Variants in IFFO1 observed in about 807,000 individuals in gnomAD.
IFFO1 encodes non-homologous end joining factor IFFO1.
A neutral mutation model predicts 59.6 loss-of-function variants in IFFO1; 42 were observed. The observed-to-expected ratio is 0.70, with a 90% confidence interval of 0.55 to 0.91. The LOEUF (loss-of-function observed/expected upper bound fraction) is 0.91. Among genes scored for constraint, IFFO1 ranks in the 40% least tolerant of loss-of-function variants. The probability of loss-of-function intolerance (pLI) is 0.00; values close to 1 mark genes in which losing one functional copy is unlikely to be tolerated. For missense variants in IFFO1, 711 were observed against 793.2 expected (o/e 0.90, Z 1.24); for synonymous variants, 336 against 342.8 (o/e 0.98, Z 0.22).
At chr12:6,550,494 GC>G (rs1947183873) in intron 3 of IFFO1, 200 bp downstream of exon 3, 2 of 580,246 alleles carry the variant, frequency 3.4e-6, no homozygotes, top group Admixed American at 3.0e-5. Context: ...CAGAAGCTGC[GC>G]CACCTCTGTG....
rs1179091176 is a variant in IFFO1 at position 6,541,050 on chromosome 12, G to A, written c.1610+462C>T. On this transcript the variant is annotated intron_variant, in intron 9 of 9. Coordinates refer to ENST00000619571, the MANE Select transcript of IFFO1 (RefSeq NM_001193457.2). The surrounding 1 kb of genome is among the most constrained non-coding windows in gnomAD (Gnocchi z 4.8). ...AAAAAAAAAAAAAGAAATAGCTGAA[G>A]TCACAGTAGGAGAGAAGCTGCTGAG... Among the ~76,000 whole-genome samples, 1 of 149,026 alleles carries A rather than the reference G, an allele frequency of 6.7e-6. No homozygotes were observed. Among genetic ancestry groups the A allele is most frequent in the Non-Finnish European group, 1.5e-5 (1 of 67,386 alleles).
chr12:6,555,638 A>G lies in IFFO1; in HGVS notation c.392T>C (p.Val131Ala). ...RRDQAVQTGF[V>A]SPIRPLGLQL... ...CAGCCCCAGGGGCCGGATGGGGCTG[A>G]CGAAGCCGGTCTGCACTGCCTGGTC... Residue 131 changes from valine (V) to alanine (A), a missense_variant, in exon 1 of 10, where the codon GTC becomes GCC. Transcript: ENST00000619571. The surrounding 1 kb of genome is among the most constrained non-coding windows in gnomAD (Gnocchi z 8.6). The G allele has an allele frequency of 6.5e-7, 1 of 1,547,848 alleles. No individual in the cohort carries two copies. Among genetic ancestry groups the G allele is most frequent in the Non-Finnish European group, 8.7e-7 (1 of 1,152,548 alleles).
chr12:6,549,667 G>A lies in IFFO1; in HGVS notation c.1071+89C>T, dbSNP rs774017147. The A allele has an allele frequency of 5.0e-5, 76 of 1,531,920 alleles. No homozygotes were observed. The highest frequency in any genetic ancestry group is 6.7e-5 in the Non-Finnish European group (75 of 1,123,198). The allele number at this position is 1,531,920 out of a possible 1,614,324, so 94.9% of individuals were successfully genotyped here. A position where few individuals can be genotyped will look rare whatever the true frequency, so the allele number is the denominator to read the frequency against. On this transcript the variant is annotated intron_variant, in intron 4 of 9. Transcript: ENST00000619571. This position sits in a 1 kb window ranked among gnomAD's most constrained non-coding sequence, Gnocchi z 5.0. ...TTGCCAGGTAAGGCTCCCCAAGCAG[G>A]AGGCAGGGCCTGCGTTCCAGGCCAG...
At position 6,548,074 on chromosome 12, in the gene IFFO1, G is replaced by A. The variant is rs750011287; in HGVS notation, c.1470C>T (p.Asp490=). 12 of 1,613,114 alleles carry A rather than the reference G, an allele frequency of 7.4e-6. No individual in the cohort carries two copies. The highest frequency in any genetic ancestry group is 5.5e-5 in the South Asian group (5 of 91,060). The change falls in exon 8 of 10, where the codon GAC becomes GAT. Residue 490 remains aspartate, a synonymous_variant. Coordinates refer to ENST00000619571, the MANE Select transcript of IFFO1 (RefSeq NM_001193457.2). This position sits in a 1 kb window ranked among gnomAD's most constrained non-coding sequence, Gnocchi z 6.1. ...TREKEYQETI[D]QIELELATAK... ...CCGCTCCTGCCCTTACCTCTATCTG[G>A]TCAATGGTCTCCTGATACTCCTTCT...
At chr12:6,546,144 T>C (rs1946951616) in intron 8 of IFFO1, among the ~76,000 whole-genome samples, 1 of 152,216 alleles carries the variant, frequency 6.6e-6, no homozygotes, top group African/African-American at 2.4e-5. Context: ...TTAGTTAAGA[T>C]AGAAAAGGCA....
intron 1 of IFFO1, among the ~76,000 whole-genome samples, chr12:6,554,703 G>A (rs368779622): frequency 6.6e-6 from 1 of 152,112 alleles, no homozygotes; most frequent in Admixed American, 6.5e-5. Flanking sequence ...CCAGTTTGTT[G>A]ACCTACTCAA....
Position 6,541,368 on chromosome 12 carries a change from G to A in IFFO1, c.1610+144C>T. On this transcript the variant is annotated intron_variant, in intron 9 of 9. Transcript: ENST00000619571. The surrounding 1 kb of genome is among the most constrained non-coding windows in gnomAD (Gnocchi z 4.8). The stretch of plus-strand genomic sequence containing the variant: ...CCAAGGGAGAGAGCTGTGGGTCTGG[G>A]CCAGCCCCACCAGGTAACTCCCAAA... The A allele has an allele frequency of 9.6e-7, 1 of 1,041,924 alleles. No individual in the cohort carries two copies. Among genetic ancestry groups the A allele is most frequent in the African/African-American group, 1.6e-5 (1 of 62,764 alleles). 64.5% of individuals were successfully genotyped at this position (1,041,924 alleles called of 1,614,324 possible). A position where few individuals can be genotyped will look rare whatever the true frequency, so the allele number is the denominator to read the frequency against.
In IFFO1 at chr12:6,539,543, C is replaced by T. The variant is rs528992713; in HGVS notation, c.*940G>A. ...GACACCAAAGTGCACAATAAATACT[C>T]GCCAGTTTCATTATTATTAAAGAAT... is the stretch of plus-strand genomic sequence containing the variant. On this transcript the variant is annotated 3_prime_UTR_variant, in exon 10 of 10. Transcript: ENST00000619571. 1 of 152,208 alleles carries T rather than the reference C, an allele frequency of 6.6e-6. No homozygotes were observed. Among genetic ancestry groups the T allele is most frequent in the African/African-American group, 2.4e-5 (1 of 41,508 alleles). The allele number at this position is 152,208 out of a possible 1,614,324, so 9.4% of individuals were successfully genotyped here. A position where few individuals can be genotyped will look rare whatever the true frequency, so the allele number is the denominator to read the frequency against.
At chr12:6,542,100 G>A (rs892153362) in intron 8 of IFFO1, among the ~76,000 whole-genome samples, 5 of 152,188 alleles carry the variant, frequency 3.3e-5, no homozygotes, top group Admixed American at 2.0e-4. Flanking sequence ...CCCAGACCTC[G>A]AAGGGAATTA....
At position 6,548,523 on chromosome 12, in the gene IFFO1, C is replaced by T. The variant is rs774062978; in HGVS notation, c.1285G>A (p.Asp429Asn). Residue 429 changes from aspartate to asparagine, a missense_variant, in exon 7 of 10, where the codon GAC becomes AAC. This residue lies in a region of IFFO1 where 579 missense variants were observed against 650.3 expected (regional missense o/e 0.89). Transcript: ENST00000619571. The surrounding 1 kb of genome is among the most constrained non-coding windows in gnomAD (Gnocchi z 6.1). ...TCCTCCCAAGTCAGGCTGTCACAGT[C>T]GTCCTCAAAATCATACTCCCTCCTA... is the stretch of plus-strand genomic sequence containing the variant. The part of the protein sequence containing the change: ...NQLREYDFED[D>N]CDSLTWEETE... 6.2e-6 allele frequency: 10 copies of T among 1,613,824 alleles called. No homozygotes were observed. Among genetic ancestry groups the T allele is most frequent in the South Asian group, 2.2e-5 (2 of 91,050 alleles).
intron 1 of IFFO1, chr12:6,551,454 C>T (rs896640207): frequency 3.3e-5 from 43 of 1,294,604 alleles, no homozygotes; most frequent in Non-Finnish European, 3.8e-5. Flanking sequence ...CAGAGCTCGT[C>T]GAGCCCGCTG....
chr12:6,549,628 CG>C lies in IFFO1; in HGVS notation c.1071+127del. On this transcript the variant is annotated intron_variant, in intron 4 of 9. Coordinates refer to ENST00000619571, the MANE Select transcript of IFFO1 (RefSeq NM_001193457.2). The surrounding 1 kb of genome is among the most constrained non-coding windows in gnomAD (Gnocchi z 5.0). ...TGCTCCTTACCCCCCAGTCTAGCCC[CG>C]TGAGGGCCCCAGTTGCCAGGTAAGG... The C allele has an allele frequency of 7.1e-7, 1 of 1,407,744 alleles. No individual in the cohort carries two copies. Among genetic ancestry groups the C allele is most frequent in the South Asian group, 1.2e-5 (1 of 80,418 alleles). The allele number at this position is 1,407,744 out of a possible 1,614,324, so 87.2% of individuals were successfully genotyped here. A position where few individuals can be genotyped will look rare whatever the true frequency, so the allele number is the denominator to read the frequency against.
chr12:6,555,654 C>T lies in IFFO1; in HGVS notation c.376G>A (p.Val126Met), dbSNP rs878885439. ...RRGLGRRDQA[V>M]QTGFVSPIRP... Reference sequence around the variant, plus strand: ...ATGGGGCTGACGAAGCCGGTCTGCACTGCCTGGTCGCGACGACCCAGGCCC... The same window carrying T: ...ATGGGGCTGACGAAGCCGGTCTGCATTGCCTGGTCGCGACGACCCAGGCCC... Residue 126 changes from valine (V) to methionine (M), a missense_variant, in exon 1 of 10, where the codon GTG becomes ATG. By Grantham distance (21) the Val-to-Met change is conservative. Around this residue, in one of 3 missense-constraint regions of IFFO1, gnomAD observed 579 missense variants for 650.3 expected, o/e 0.89. Transcript: ENST00000619571. This position sits in a 1 kb window ranked among gnomAD's most constrained non-coding sequence, Gnocchi z 8.6. 6.3e-7 allele frequency: 1 copy of T among 1,597,988 alleles called. No individual in the cohort carries two copies. Among genetic ancestry groups the T allele is most frequent in the South Asian group, 1.1e-5 (1 of 89,750 alleles).
Position 6,555,406 on chromosome 12 carries a change from T to C in IFFO1, c.624A>G (p.Gly208=), listed in dbSNP as rs778350410. 1 of 1,613,950 alleles carries C rather than the reference T, an allele frequency of 6.2e-7. No individual in the cohort carries two copies. The highest frequency in any genetic ancestry group is 8.5e-7 in the Non-Finnish European group (1 of 1,179,934). ...GCCCTTGCACCAGAGTGGGCTCCAGTCCCGGCCCGAGCCGGCGGGCGTGCG... is the reference window on the plus strand; with the variant it reads ...GCCCTTGCACCAGAGTGGGCTCCAGCCCCGGCCCGAGCCGGCGGGCGTGCG... The part of the protein sequence containing the change: ...SFSHARRLGP[G]LEPTLVQGPG... Residue 208 remains glycine (G), a synonymous_variant, in exon 1 of 10, where the codon GGA becomes GGG. Coordinates refer to ENST00000619571, the MANE Select transcript of IFFO1 (RefSeq NM_001193457.2). The surrounding 1 kb of genome is among the most constrained non-coding windows in gnomAD (Gnocchi z 8.6).
At position 6,548,920 on chromosome 12, in the gene IFFO1, G is replaced by A. The variant is rs530715454; in HGVS notation, c.1081-71C>T. 6 of 1,334,448 alleles carry A rather than the reference G, an allele frequency of 4.5e-6. No individual in the cohort carries two copies. Among genetic ancestry groups the A allele is most frequent in the Non-Finnish European group, 1.0e-6 (1 of 964,406 alleles). The allele number at this position is 1,334,448 out of a possible 1,614,324, so 82.7% of individuals were successfully genotyped here. ...GAGGCCGGGCAGAGAGGGTGGGAAT[G>A]GGGGAGAAGCATGAACCAGTAGGAA... On this transcript the variant is annotated intron_variant, in intron 5 of 9. Coordinates refer to ENST00000619571, the MANE Select transcript of IFFO1 (RefSeq NM_001193457.2). The surrounding 1 kb of genome is among the most constrained non-coding windows in gnomAD (Gnocchi z 6.1).
At chr12:6,546,652 T>A (rs1176126142) in intron 8 of IFFO1, among the ~76,000 whole-genome samples, 1 of 91,338 alleles carries the variant, frequency 1.1e-5, no homozygotes. Context: ...GCCAGCTAAT[T>A]TTTTTTTTTT....
Position 6,555,697 on chromosome 12 carries a change from C to T in IFFO1, c.333G>A (p.Glu111=). 1.2e-6 allele frequency: 2 copies of T among 1,611,924 alleles called. No individual in the cohort carries two copies. Among genetic ancestry groups the T allele is most frequent in the Non-Finnish European group, 1.7e-6 (2 of 1,179,174 alleles). ...CCAGGCCCCGCCGGCCCTGCTTACC[C>T]TCCTCCAGCGCTTGCTGCAGTTGCT... The part of the protein sequence containing the change: ...LEKQLQQALE[E]GKQGRRGLGR... Residue 111 remains glutamate, a synonymous_variant, in exon 1 of 10, where the codon GAG becomes GAA. Transcript: ENST00000619571. The surrounding 1 kb of genome is among the most constrained non-coding windows in gnomAD (Gnocchi z 8.6).
chr12:6,543,299 C>A (rs1010627142), intron 8 of IFFO1, among the ~76,000 whole-genome samples: 27 of 152,206 alleles, frequency 1.8e-4, no homozygotes, highest in Admixed American at 1.7e-3. Context: ...CGGACCAGTA[C>A]CTGTCTGTGG....
downstream of IFFO1, chr12:6,539,275 A>AACTC (rs1229556335): frequency 6.6e-6 from 1 of 152,264 alleles, no homozygotes; most frequent in Admixed American, 6.5e-5. Context: ...AACATGGTGA[A>AACTC]ACTCCGTCTC....
Sources: allele counts gnomAD v4.1 joint callset (sites outside exome capture counted in the v4.1 genomes callset), GRCh38; gene constraint gnomAD v4.1.1; regional missense constraint gnomAD v4.1.1; non-coding constraint Gnocchi (gnomAD v3.1); transcripts MANE v1.5; gene names NCBI Gene and HGNC (gene_info 2026-07-23, HGNC 2026-07-21).